Variants in CMTR1 observed in about 807,000 individuals in gnomAD.
CMTR1 encodes the protein cap methyltransferase 1, also known as cap-specific mRNA (nucleoside-2'-O-)-methyltransferase 1.
A neutral mutation model predicts 107.0 loss-of-function variants in CMTR1; 39 were observed. That is an observed-to-expected ratio of 0.36 (90% CI 0.28 to 0.48). The LOEUF (loss-of-function observed/expected upper bound fraction) is 0.48. Ranked by LOEUF, CMTR1 falls within the 20% of genes least tolerant of loss-of-function variation. CMTR1 has a pLI of 0.99. For synonymous variants in CMTR1, 366 were observed against 379.5 expected, an observed-to-expected ratio of 0.96 and a Z score of 0.41; for missense variants, 672 against 1,064.9, an observed-to-expected ratio of 0.63 and a Z score of 5.14.
In CMTR1 at chr6:37,472,521, T is replaced by TA. The variant is rs781513134; in HGVS notation, c.1689+35dup. 44 of 1,598,030 alleles carry TA rather than the reference T, an allele frequency of 2.8e-5. No individual in the cohort carries two copies. Among genetic ancestry groups the TA allele is most frequent in the South Asian group, 4.4e-5 (4 of 90,744 alleles). On this transcript the variant is annotated intron_variant, in intron 16 of 23. Coordinates refer to ENST00000373451, the MANE Select transcript of CMTR1 (RefSeq NM_015050.3). The surrounding 1 kb of genome is among the most constrained non-coding windows in gnomAD (Gnocchi z 4.1). ...GGTATCTGTGGTGGACATAAAAAGTTAGAGATCTGTCTCTAGATGTGGATG... is the reference window on the plus strand; with the variant it reads ...GGTATCTGTGGTGGACATAAAAAGTTAAGAGATCTGTCTCTAGATGTGGATG...
chr6:37,428,010 G>GAC, the CMTR1 span, among the ~76,000 whole-genome samples: 7 of 32,188 alleles, frequency 2.2e-4, no homozygotes, highest in African/African-American at 7.1e-4. Context: ...AACAGAGACA[G>GAC]AGAGAGAGAG....
intron 9 of CMTR1, 135 bp from the exon 10 acceptor site, chr6:37,459,431 G>T: frequency 1.4e-6 from 1 of 726,340 alleles, no homozygotes. Context: ...GTCCATCACT[G>T]TAAGGGAGCC....
the CMTR1 span, among the ~76,000 whole-genome samples, chr6:37,427,936 A>G: frequency 1.3e-5 from 2 of 150,960 alleles, no homozygotes; most frequent in African/African-American, 4.8e-5. The surrounding 1 kb of genome is among the most constrained non-coding windows in gnomAD (Gnocchi z 4.4). Flanking sequence ...TTTCTGATGT[A>G]AGATCCATAG....
intron 13 of CMTR1, among the ~76,000 whole-genome samples, chr6:37,470,397 C>T (rs1358612003): frequency 6.6e-6 from 1 of 151,884 alleles, no homozygotes; most frequent in East Asian, 1.9e-4. Flanking sequence ...CCGCCCGCCT[C>T]AGCCTCCCAA....
Position 37,480,558 on chromosome 6 carries a change from C to T in CMTR1, c.*413C>T. On this transcript the variant is annotated 3_prime_UTR_variant, in exon 24 of 24. Coordinates refer to ENST00000373451, the MANE Select transcript of CMTR1 (RefSeq NM_015050.3). ...TGAGGGTAGCCATGCCCTTGCTTTGCCCAACTTTTTATTGGGCCATCCCTG... is the reference window on the plus strand; with the variant it reads ...TGAGGGTAGCCATGCCCTTGCTTTGTCCAACTTTTTATTGGGCCATCCCTG... 1 of 1,042,120 alleles carries T rather than the reference C, an allele frequency of 9.6e-7. No homozygotes were observed. Among genetic ancestry groups the T allele is most frequent in the Non-Finnish European group, 1.2e-6 (1 of 867,540 alleles). 64.6% of individuals were successfully genotyped at this position (1,042,120 alleles called of 1,614,324 possible).
At chr6:37,442,157 T>A (rs1424964836) in intron 2 of CMTR1, among the ~76,000 whole-genome samples, 1 of 152,222 alleles carries the variant, frequency 6.6e-6, no homozygotes. Flanking sequence ...AGTACCCCAT[T>A]ATATGTAGCA....
chr6:37,463,074 CTGAA>C (rs1761435216), intron 13 of CMTR1, 66 bp downstream of exon 13: 1 of 1,498,020 alleles, frequency 6.7e-7, no homozygotes, highest in South Asian at 1.2e-5. Flanking sequence ...GAGTGAAAGA[CTGAA>C]TGGTTGGCTC....
intron 8 of CMTR1, among the ~76,000 whole-genome samples, chr6:37,454,600 C>T (rs1459507690): frequency 6.6e-6 from 1 of 152,080 alleles, no homozygotes; most frequent in African/African-American, 2.4e-5. Context: ...TGGTTATTGC[C>T]TTTTGCTGTC....
In CMTR1 at chr6:37,476,161, C is replaced by G. The variant is rs747473394; in HGVS notation, c.2072C>G (p.Ser691Cys). ...GCCGAGAAATTTGTGAAAGCCGTTT[C>G]CAAGCCTAGTCGGCCCGACATGAAT... ...QLAEKFVKAVSKPSRPDMNPI... is the reference protein window; with the variant it reads ...QLAEKFVKAVCKPSRPDMNPI... Residue 691 changes from serine to cysteine, a missense_variant, in exon 20 of 24, where the codon TCC becomes TGC. Physicochemically the swap from Ser to Cys is moderately radical, Grantham distance 112. Coordinates refer to ENST00000373451, the MANE Select transcript of CMTR1 (RefSeq NM_015050.3). 2 of 1,614,112 alleles carry G rather than the reference C, an allele frequency of 1.2e-6. No homozygotes were observed. The highest frequency in any genetic ancestry group is 1.7e-6 in the Non-Finnish European group (2 of 1,180,016).
At chr6:37,453,382 C>T in intron 8 of CMTR1, 70 bp downstream of exon 8, 1 of 1,378,172 alleles carries the variant, frequency 7.3e-7, no homozygotes, top group South Asian at 1.2e-5. Flanking sequence ...TCAGCCATTG[C>T]CATTTGTTCA....
rs910164761 is a variant in CMTR1 at position 37,481,019 on chromosome 6, T to G, written c.*874T>G. On this transcript the variant is annotated 3_prime_UTR_variant, in exon 24 of 24. Transcript: ENST00000373451. ...GGGTAGCGCTGCCCTCTGGCAGTCATGCACCGCTGTCTGCCATAGCCGCTC... is the reference window on the plus strand; with the variant it reads ...GGGTAGCGCTGCCCTCTGGCAGTCAGGCACCGCTGTCTGCCATAGCCGCTC... 8 of 1,303,664 alleles carry G rather than the reference T, an allele frequency of 6.1e-6. No individual in the cohort carries two copies. Among genetic ancestry groups the G allele is most frequent in the African/African-American group, 1.5e-5 (1 of 65,852 alleles). The allele number at this position is 1,303,664 out of a possible 1,614,324, so 80.8% of individuals were successfully genotyped here. A position where few individuals can be genotyped will look rare whatever the true frequency, so the allele number is the denominator to read the frequency against.
chr6:37,458,674 A>G lies in CMTR1; in HGVS notation c.840A>G (p.Pro280=). Reference sequence around the variant, plus strand: ...ACTTTGCTGATGTCTGCGCAGGCCCAGGTGGCTTCTCAGAGTATGTGCTGT... The same window carrying G: ...ACTTTGCTGATGTCTGCGCAGGCCCGGGTGGCTTCTCAGAGTATGTGCTGT... ...LLYFADVCAG[P]GGFSEYVLWR... The change falls in exon 9 of 24, where the codon CCA becomes CCG. Residue 280 remains proline (P), a synonymous_variant. Coordinates refer to ENST00000373451, the MANE Select transcript of CMTR1 (RefSeq NM_015050.3). The surrounding 1 kb of genome is among the most constrained non-coding windows in gnomAD (Gnocchi z 4.7). The G allele has an allele frequency of 1.2e-6, 2 of 1,614,100 alleles. No individual in the cohort carries two copies. Among genetic ancestry groups the G allele is most frequent in the East Asian group, 2.2e-5 (1 of 44,884 alleles).
upstream of CMTR1, among the ~76,000 whole-genome samples, chr6:37,430,815 C>A (rs577722697): frequency 7.2e-5 from 11 of 152,192 alleles, no homozygotes; most frequent in African/African-American, 2.4e-4. Flanking sequence ...GAGATCAAGA[C>A]CATCCTGGCT....
rs1017088193 is a variant in CMTR1, at chr6:37,481,240, G to A, written c.*1095G>A. The A allele has an allele frequency of 1.2e-5, 15 of 1,294,224 alleles. No homozygotes were observed. The African/African-American group carries it at 2.1e-4, about 18-fold the overall frequency. 80.2% of individuals were successfully genotyped at this position (1,294,224 alleles called of 1,614,324 possible). A position where few individuals can be genotyped will look rare whatever the true frequency, so the allele number is the denominator to read the frequency against. Reference sequence around the variant, plus strand: ...CTTGGGGTGGGGGTGGGCACCTGTGGTTGTTTTTAATGGGAAATACCTCTC... The same window carrying A: ...CTTGGGGTGGGGGTGGGCACCTGTGATTGTTTTTAATGGGAAATACCTCTC... On this transcript the variant is annotated 3_prime_UTR_variant, in exon 24 of 24. Transcript: ENST00000373451.
chr6:37,472,518 A>G lies in CMTR1; in HGVS notation c.1689+31A>G. 6.2e-7 allele frequency: 1 copy of G among 1,603,388 alleles called. No homozygotes were observed. Among genetic ancestry groups the G allele is most frequent in the Non-Finnish European group, 8.5e-7 (1 of 1,170,350 alleles). On this transcript the variant is annotated intron_variant, in intron 16 of 23. Coordinates refer to ENST00000373451, the MANE Select transcript of CMTR1 (RefSeq NM_015050.3). This position sits in a 1 kb window ranked among gnomAD's most constrained non-coding sequence, Gnocchi z 4.1. ...ACTGGTATCTGTGGTGGACATAAAA[A>G]GTTAGAGATCTGTCTCTAGATGTGG... is the stretch of plus-strand genomic sequence containing the variant.
intron 8 of CMTR1, among the ~76,000 whole-genome samples, chr6:37,457,036 TAC>T (rs1474714989): frequency 6.6e-6 from 1 of 150,530 alleles, no homozygotes; most frequent in African/African-American, 2.4e-5. Context: ...GCCTGGGCAA[TAC>T]ACCAAGATCC....
intron 10 of CMTR1, among the ~76,000 whole-genome samples, chr6:37,460,712 G>A (rs1761386137): frequency 6.6e-6 from 1 of 152,004 alleles, no homozygotes; most frequent in African/African-American, 2.4e-5. Context: ...TTATTTTATT[G>A]TAAAAAACAC....
At position 37,476,161 on chromosome 6, in the gene CMTR1, C is replaced by T; in HGVS notation, c.2072C>T (p.Ser691Phe). The T allele has an allele frequency of 6.2e-7, 1 of 1,614,112 alleles. No individual in the cohort carries two copies. The highest frequency in any genetic ancestry group is 8.5e-7 in the Non-Finnish European group (1 of 1,180,016). Reference protein sequence around the residue: ...QLAEKFVKAVSKPSRPDMNPI... With the variant: ...QLAEKFVKAVFKPSRPDMNPI... ...GCCGAGAAATTTGTGAAAGCCGTTT[C>T]CAAGCCTAGTCGGCCCGACATGAAT... The change falls in exon 20 of 24, where the codon TCC becomes TTC. Residue 691 changes from serine to phenylalanine, a missense_variant. By Grantham distance (155) the Ser-to-Phe change is radical. Coordinates refer to ENST00000373451, the MANE Select transcript of CMTR1 (RefSeq NM_015050.3).
At chr6:37,459,371 A>G (rs1761358056) in intron 9 of CMTR1, among the ~76,000 whole-genome samples, 195 bp from the exon 10 acceptor site, 1 of 151,870 alleles carries the variant, frequency 6.6e-6, no homozygotes, top group South Asian at 2.1e-4. Context: ...TGACTGGTCA[A>G]CTCCTTTGGG....
Sources: gnomAD v4.1 joint callset for allele counts (sites outside exome capture counted in the v4.1 genomes callset) on GRCh38, gnomAD v4.1.1 for gene constraint, Gnocchi (gnomAD v3.1) non-coding constraint, MANE v1.5 for transcripts, NCBI Gene and HGNC (gene_info 2026-07-23, HGNC 2026-07-21) for gene names.